Variants in MACF1 observed in about 807,000 individuals in gnomAD.
MACF1 encodes microtubule actin crosslinking factor 1.
Under a neutral mutation model 854.8 loss-of-function variants are expected in MACF1, and 193 were observed. That is an observed-to-expected ratio of 0.23 (90% CI 0.20 to 0.25). The LOEUF (loss-of-function observed/expected upper bound fraction) is 0.25. Ranked by LOEUF, MACF1 falls within the 10% of genes least tolerant of loss-of-function variation. MACF1 has a pLI of 1.00. For synonymous variants in MACF1, 3,185 were observed against 3,226.7 expected (o/e 0.99, Z 0.44); for missense variants, 7,722 against 8,929.1 (o/e 0.86, Z 5.45).
intron 2 of MACF1, chr1:39,249,719 A>G (rs1289086339): frequency 1.3e-5 from 3 of 236,628 alleles, no homozygotes; most frequent in Admixed American, 5.5e-5. Context: ...AAGATGTCTC[A>G]GGATAATTAA....
At chr1:39,438,600 C>G (rs1489305830) in intron 71 of MACF1, among the ~76,000 whole-genome samples, 1 of 151,960 alleles carries the variant, frequency 6.6e-6, no homozygotes, top group Non-Finnish European at 1.5e-5. Context: ...GCCTGGCCAA[C>G]ATAGTGAAAT....
intron 48 of MACF1, 115 bp downstream of exon 48, chr1:39,361,116 A>G (rs1648151526): frequency 1.1e-6 from 1 of 927,582 alleles, no homozygotes. Flanking sequence ...ATCTAATAAG[A>G]TTTAGAAATG....
chr1:39,348,235 T>C (rs1647100762), intron 41 of MACF1, among the ~76,000 whole-genome samples: 2 of 152,206 alleles, frequency 1.3e-5, no homozygotes, highest in Non-Finnish European at 2.9e-5. Flanking sequence ...GCATGTGCAA[T>C]GCTCGCATTC....
At chr1:39,445,234 A>G (rs1420769012) in intron 80 of MACF1, among the ~76,000 whole-genome samples, 2 of 152,228 alleles carry the variant, frequency 1.3e-5, no homozygotes, top group African/African-American at 4.8e-5. Context: ...GTGCAAGGAA[A>G]TTTACTAGAA....
intron 41 of MACF1, 27 bp downstream of exon 41, chr1:39,347,237 A>C: frequency 1.9e-6 from 3 of 1,543,786 alleles, no homozygotes; most frequent in Non-Finnish European, 2.7e-6. Flanking sequence ...AGCTGGGCTC[A>C]GTTTGTCTTT....
chr1:39,105,262 C>T lies in MACF1; in HGVS notation c.220+20824C>T, dbSNP rs1164800117. The stretch of plus-strand genomic sequence containing the variant: ...CTGGGGCCGAGGACTCGCCGGGACC[C>T]GGAGGCGGCGGGGAGAGGGGGCGGG... On this transcript the variant is annotated intron_variant, in intron 2 of 93. Transcript: ENST00000361689. This position sits in a 1 kb window ranked among gnomAD's most constrained non-coding sequence, Gnocchi z 5.9. 4 of 393,390 alleles carry T rather than the reference C, an allele frequency of 1.0e-5. No homozygotes were observed. The highest frequency in any genetic ancestry group is 2.7e-3 in the Middle Eastern group (2 of 738). 24.4% of individuals were successfully genotyped at this position (393,390 alleles called of 1,614,324 possible).
At chr1:39,361,321 A>G in intron 48 of MACF1, 39 bp from the exon 49 acceptor site, 1 of 1,589,908 alleles carries the variant, frequency 6.3e-7, no homozygotes, top group Non-Finnish European at 8.6e-7. Context: ...GTCCTGGAAT[A>G]AGTGAACCAG....
At chr1:39,090,181 C>T (rs1241745158) in intron 2 of MACF1, among the ~76,000 whole-genome samples, 1 of 152,252 alleles carries the variant, frequency 6.6e-6, no homozygotes, top group Non-Finnish European at 1.5e-5. Context: ...CCTTACTCCT[C>T]AGCTGCCAAA....
At chr1:39,380,921 C>CGT (rs1040032047) in intron 55 of MACF1, among the ~76,000 whole-genome samples, 8 of 150,572 alleles carry the variant, frequency 5.3e-5, no homozygotes, top group Admixed American at 5.3e-4. Context: ...CCAAAAAAAA[C>CGT]GTAACAAAAG....
intron 1 of MACF1, among the ~76,000 whole-genome samples, chr1:39,228,866 C>T (rs1163257488): frequency 6.6e-6 from 1 of 152,170 alleles, no homozygotes. Context: ...GTTGGTCAGG[C>T]TGGTCTTGAA....
intron 20 of MACF1, 27 bp downstream of exon 20, chr1:39,295,909 T>C: frequency 6.3e-7 from 1 of 1,589,574 alleles, no homozygotes; most frequent in Non-Finnish European, 8.6e-7. Flanking sequence ...TGTTTGTGTG[T>C]GTGTGTACAT....
chr1:39,228,424 G>C (rs925610756), intron 1 of MACF1, among the ~76,000 whole-genome samples: 10 of 152,186 alleles, frequency 6.6e-5, no homozygotes, highest in African/African-American at 2.2e-4. Flanking sequence ...AGTAGTATGA[G>C]CAAAGAGTCA....
At chr1:39,312,106 C>G (rs1486904637) in intron 26 of MACF1, among the ~76,000 whole-genome samples, 1 of 152,080 alleles carries the variant, frequency 6.6e-6, no homozygotes, top group Non-Finnish European at 1.5e-5. Flanking sequence ...TAAAGGTTGA[C>G]TGCATGCTTT....
intron 33 of MACF1, among the ~76,000 whole-genome samples, chr1:39,323,415 A>G (rs1646548645): frequency 6.6e-6 from 1 of 151,618 alleles, no homozygotes. Context: ...AATTTTTTAA[A>G]CCAGCAAAAT....
intron 2 of MACF1, among the ~76,000 whole-genome samples, chr1:39,234,686 G>A (rs1350419647): frequency 8.4e-6 from 1 of 119,436 alleles, no homozygotes; most frequent in Non-Finnish European, 1.8e-5. Flanking sequence ...GCTGTCGGGC[G>A]GAGACGCTCC....
chr1:39,426,162 G>C (rs528601552), intron 61 of MACF1, among the ~76,000 whole-genome samples: 31 of 152,074 alleles, frequency 2.0e-4, no homozygotes, highest in Non-Finnish European at 3.8e-4. Context: ...GTATGTTTTA[G>C]TTGCATTACT....
chr1:39,216,514 G>A (rs1644578880), intron 1 of MACF1, among the ~76,000 whole-genome samples: 1 of 152,086 alleles, frequency 6.6e-6, no homozygotes, highest in South Asian at 2.1e-4. Context: ...TGATGAAGAG[G>A]AGACCTTAGA....
chr1:39,354,012 A>G (rs754249793), intron 44 of MACF1, among the ~76,000 whole-genome samples: 2 of 152,154 alleles, frequency 1.3e-5, no homozygotes, highest in Admixed American at 6.5e-5. Flanking sequence ...CTAAAATGCC[A>G]TATCCTTGCT....
chr1:39,211,432 T>A (rs1017893947), intron 1 of MACF1, among the ~76,000 whole-genome samples: 12 of 152,014 alleles, frequency 7.9e-5, no homozygotes, highest in East Asian at 3.9e-4. Context: ...TTTTTAAATT[T>A]AAAAAAAATT....
Sources: allele counts gnomAD v4.1 joint callset (sites outside exome capture counted in the v4.1 genomes callset), GRCh38; gene constraint gnomAD v4.1.1; non-coding constraint Gnocchi (gnomAD v3.1); transcripts MANE v1.5; gene names NCBI Gene and HGNC (gene_info 2026-07-23, HGNC 2026-07-21).